The following GPC1 variants were observed in gnomAD, a reference collection of about 807,000 sequenced individuals.
The protein encoded by GPC1 is glypican 1.
GPC1 carries 26 observed loss-of-function variants against 51.5 expected under a neutral mutation model. That is an observed-to-expected ratio of 0.50 (90% CI 0.37 to 0.70). GPC1 has a LOEUF of 0.70. Ranked by LOEUF, GPC1 falls within the 30% of genes least tolerant of loss-of-function variation. GPC1 has a pLI of 0.00. For synonymous variants in GPC1, 380 were observed against 348.3 expected (o/e 1.09, Z -1.01); for missense variants, 775 against 800.5 (o/e 0.97, Z 0.38).
At chr2:240,453,699 C>T (rs975501588) in intron 1 of GPC1, among the ~76,000 whole-genome samples, 22 of 151,348 alleles carry the variant, frequency 1.5e-4, no homozygotes, top group African/African-American at 4.8e-4. Flanking sequence ...CCCTCCTCGC[C>T]GGGCCGCCGG....
Position 240,462,631 on chromosome 2 carries a change from C to G in GPC1, c.717+49C>G, listed in dbSNP as rs1032457534. Reference sequence around the variant, plus strand: ...TCAGAAACCCCTCCAGACCCCCATGCTCTGCCCAAGGGACTTCCTCTTCCC... The same window carrying G: ...TCAGAAACCCCTCCAGACCCCCATGGTCTGCCCAAGGGACTTCCTCTTCCC... On this transcript the variant is annotated intron_variant, in intron 3 of 8. Coordinates refer to ENST00000264039, the MANE Select transcript of GPC1 (RefSeq NM_002081.3). The G allele has an allele frequency of 2.0e-6, 3 of 1,476,350 alleles. No homozygotes were observed. The Admixed American group carries it at 6.8e-5, about 33-fold the overall frequency. 91.5% of individuals were successfully genotyped at this position (1,476,350 alleles called of 1,614,324 possible).
rs928251059 is a variant in GPC1, at chr2:240,463,452, G to C, written c.823G>C (p.Val275Leu). Residue 275 changes from valine (V) to leucine (L), a missense_variant, in exon 4 of 9, where the codon GTG becomes CTG. Coordinates refer to ENST00000264039, the MANE Select transcript of GPC1 (RefSeq NM_002081.3). Reference sequence around the variant, plus strand: ...GCCCTGCCCTGACTATTGCCGAAATGTGCTCAAGGGCTGCCTTGCCAACCA... The same window carrying C: ...GCCCTGCCCTGACTATTGCCGAAATCTGCTCAAGGGCTGCCTTGCCAACCA... ...ARPCPDYCRN[V>L]LKGCLANQAD... 6.2e-7 allele frequency: 1 copy of C among 1,612,936 alleles called. No homozygotes were observed. The highest frequency in any genetic ancestry group is 8.5e-7 in the Non-Finnish European group (1 of 1,179,964).
chr2:240,457,455 G>T (rs1482997748), intron 1 of GPC1: 1 of 470,684 alleles, frequency 2.1e-6, no homozygotes, highest in Admixed American at 2.3e-5. Context: ...TCTGACCCAG[G>T]CATTCAACCT....
intron 1 of GPC1, among the ~76,000 whole-genome samples, chr2:240,442,010 A>G (rs2074020371): frequency 6.6e-6 from 1 of 152,038 alleles, no homozygotes; most frequent in Non-Finnish European, 1.5e-5. Flanking sequence ...TGGGTTTAGG[A>G]GCCCCTGAGA....
Position 240,463,409 on chromosome 2 carries a change from G to A in GPC1, c.780G>A (p.Leu260=), listed in dbSNP as rs566181546. 1 of 1,612,828 alleles carries A rather than the reference G, an allele frequency of 6.2e-7. No homozygotes were observed. Among genetic ancestry groups the A allele is most frequent in the East Asian group, 2.2e-5 (1 of 44,886 alleles). Residue 260 remains leucine (L), a synonymous_variant, in exon 4 of 9, where the codon CTG becomes CTA. Transcript: ENST00000264039. ...AGCTGGTCTACTGTGCTCACTGCCT[G>A]GGAGTCCCCGGCGCCAGGCCCTGCC... The part of the protein sequence containing the change: ...VMKLVYCAHC[L]GVPGARPCPD...
chr2:240,460,045 G>A (rs537776675), intron 2 of GPC1, among the ~76,000 whole-genome samples: 1 of 152,220 alleles, frequency 6.6e-6, no homozygotes, highest in African/African-American at 2.4e-5. Flanking sequence ...CTGGGGCCCT[G>A]GGGTTTGTCT....
intron 1 of GPC1, chr2:240,456,234 G>A (rs2074161507): frequency 3.9e-6 from 1 of 254,272 alleles, no homozygotes; most frequent in South Asian, 3.3e-5. Context: ...CTCAGAACCT[G>A]CAGGTGGGGG....
chr2:240,439,509 T>C (rs1441746301), intron 1 of GPC1, among the ~76,000 whole-genome samples: 4 of 152,216 alleles, frequency 2.6e-5, no homozygotes, highest in Admixed American at 6.5e-5. Context: ...CAGCGTGCCC[T>C]GGAGCCTGTA....
At chr2:240,444,134 A>G (rs529053725) in intron 1 of GPC1, among the ~76,000 whole-genome samples, 1 of 152,248 alleles carries the variant, frequency 6.6e-6, no homozygotes, top group African/African-American at 2.4e-5. Context: ...GGGCCATGTG[A>G]GGACACACAC....
intron 1 of GPC1, among the ~76,000 whole-genome samples, chr2:240,438,269 T>C (rs529382746): frequency 2.0e-5 from 3 of 152,296 alleles, no homozygotes; most frequent in African/African-American, 7.2e-5. Context: ...CCCCTATGGC[T>C]GCAGAAGTGG....
chr2:240,464,638 C>T lies in GPC1; in HGVS notation c.906C>T (p.Asp302=). The change falls in exon 5 of 9, where the codon GAC becomes GAT. Residue 302 remains aspartate (D), a synonymous_variant. Coordinates refer to ENST00000264039, the MANE Select transcript of GPC1 (RefSeq NM_002081.3). Reference sequence around the variant, plus strand: ...TAGACTCCATGGTGCTCATCACCGACAAGTTCTGGGGTACATCGGGTGTGG... The same window carrying T: ...TAGACTCCATGGTGCTCATCACCGATAAGTTCTGGGGTACATCGGGTGTGG... ...NLLDSMVLIT[D]KFWGTSGVES... The T allele has an allele frequency of 1.2e-6, 2 of 1,613,300 alleles. No individual in the cohort carries two copies. Among genetic ancestry groups the T allele is most frequent in the East Asian group, 2.2e-5 (1 of 44,878 alleles).
At chr2:240,438,061 G>A (rs574157908) in intron 1 of GPC1, among the ~76,000 whole-genome samples, 4 of 152,302 alleles carry the variant, frequency 2.6e-5, no homozygotes, top group South Asian at 2.1e-4. Flanking sequence ...GTCTGATGGG[G>A]CAGGGGATGC....
chr2:240,460,471 G>A (rs1030332056), intron 2 of GPC1, among the ~76,000 whole-genome samples: 3 of 152,122 alleles, frequency 2.0e-5, no homozygotes, highest in East Asian at 1.9e-4. Flanking sequence ...CCGCCCCAGC[G>A]TGCCACCCAG....
At chr2:240,447,126 G>T (rs2074055619) in intron 1 of GPC1, among the ~76,000 whole-genome samples, 1 of 152,120 alleles carries the variant, frequency 6.6e-6, no homozygotes. Context: ...GCAGAGACGG[G>T]GCTGGGGGCT....
Position 240,468,036 on chromosome 2 carries a change from GTTC to G in GPC1, c.*1749_*1751del, listed in dbSNP as rs1322355643. The G allele has an allele frequency of 2.1e-4, 32 of 152,466 alleles. No homozygotes were observed. Among genetic ancestry groups the G allele is most frequent in the African/African-American group, 7.2e-4 (30 of 41,570 alleles). The allele number at this position is 152,466 out of a possible 1,614,324, so 9.4% of individuals were successfully genotyped here. ...CGCTCAGTGTCAGCGGGTGACGTGTGTTCTTTTGAGTCCTTGTATGAATAAAAG... is the reference window on the plus strand; with the variant it reads ...CGCTCAGTGTCAGCGGGTGACGTGTGTTTTGAGTCCTTGTATGAATAAAAG... On this transcript the variant is annotated 3_prime_UTR_variant, in exon 9 of 9. Transcript: ENST00000264039.
At position 240,441,926 on chromosome 2, in the gene GPC1, G is replaced by A. The variant is rs370621141; in HGVS notation, c.166+5842G>A. Among the ~76,000 whole-genome samples, 7 of 152,188 alleles carry A rather than the reference G, an allele frequency of 4.6e-5. No individual in the cohort carries two copies. In the South Asian group the frequency reaches 6.2e-4, roughly 13 times the overall value. Reference sequence around the variant, plus strand: ...CCTCCTTGGCTGCCCTTGGCCCGCCGTGGGTGGCGGGGAAGTACAGGTGTG... The same window carrying A: ...CCTCCTTGGCTGCCCTTGGCCCGCCATGGGTGGCGGGGAAGTACAGGTGTG... On this transcript the variant is annotated intron_variant, in intron 1 of 8. Transcript: ENST00000264039.
chr2:240,451,142 T>G (rs1466781301), intron 1 of GPC1: 1 of 471,218 alleles, frequency 2.1e-6, no homozygotes, highest in South Asian at 1.5e-5. Context: ...CCCCAGTGTT[T>G]ATGAGCCATC....
intron 1 of GPC1, chr2:240,452,990 G>A (rs1457442526): frequency 8.6e-6 from 3 of 350,246 alleles, no homozygotes; most frequent in South Asian, 3.8e-5. Context: ...CCCGCGCGCC[G>A]CCCGGAGCCG....
chr2:240,464,311 C>T (rs1242021273), intron 4 of GPC1: 1 of 404,538 alleles, frequency 2.5e-6, no homozygotes, highest in Non-Finnish European at 4.7e-6. Flanking sequence ...CATGTCAACA[C>T]CTGCATGAGC....
Sources: gnomAD v4.1 joint callset for allele counts (sites outside exome capture counted in the v4.1 genomes callset) on GRCh38, gnomAD v4.1.1 for gene constraint, MANE v1.5 for transcripts, NCBI Gene and HGNC (gene_info 2026-07-23, HGNC 2026-07-21) for gene names.